The following SLC16A9 variants were observed in gnomAD, a reference collection of about 807,000 sequenced individuals.
SLC16A9 encodes solute carrier family 16 member 9, also known as monocarboxylate transporter 9.
SLC16A9 carries 26 observed loss-of-function variants against 44.3 expected under a neutral mutation model. That is an observed-to-expected ratio of 0.59 (90% CI 0.43 to 0.81). The LOEUF is 0.81. Ranked by LOEUF, SLC16A9 falls within the 40% of genes least tolerant of loss-of-function variation. The pLI is 0.00. For missense variants in SLC16A9, 559 were observed against 595.8 expected (o/e 0.94, Z 0.64); for synonymous variants, 230 against 225.1 (o/e 1.02, Z -0.19).
At chr10:59,709,217 C>G (rs1840711253) in intron 1 of SLC16A9, among the ~76,000 whole-genome samples, 1 of 152,246 alleles carries the variant, frequency 6.6e-6, no homozygotes, top group Middle Eastern at 3.4e-3. Flanking sequence ...CTTTCAACTC[C>G]GTACAAAATG....
chr10:59,704,013 G>A (rs1474107973), intron 1 of SLC16A9, among the ~76,000 whole-genome samples: 3 of 152,106 alleles, frequency 2.0e-5, no homozygotes, highest in Non-Finnish European at 4.4e-5. Context: ...GAGCCACTGC[G>A]CCCGGCCAAA....
chr10:59,706,239 G>A (rs1840632941), intron 1 of SLC16A9, among the ~76,000 whole-genome samples: 1 of 151,894 alleles, frequency 6.6e-6, no homozygotes, highest in Admixed American at 6.5e-5. Flanking sequence ...ACATTTGGAG[G>A]CAGGGACCAT....
In SLC16A9 at chr10:59,664,361, A is replaced by T. The variant is rs551187264; in HGVS notation, c.341-39T>A. 2.5e-5 allele frequency: 35 copies of T among 1,381,532 alleles called. No homozygotes were observed. In the East Asian group the frequency reaches 3.8e-4, roughly 15 times the overall value. The allele number at this position is 1,381,532 out of a possible 1,614,324, so 85.6% of individuals were successfully genotyped here. ...GACATTGCATAAATTAAGACGCTGC[A>T]TTACTTCAATGCAAGAGAAAAAAGG... On this transcript the variant is annotated intron_variant, in intron 3 of 5. Transcript: ENST00000395348.
At chr10:59,700,083 A>G (rs946889760) in intron 1 of SLC16A9, among the ~76,000 whole-genome samples, 15 of 152,332 alleles carry the variant, frequency 9.8e-5, no homozygotes, top group Admixed American at 6.5e-4. Flanking sequence ...AAAGACCAGA[A>G]TGACAATCAT....
At position 59,673,750 on chromosome 10, in the gene SLC16A9, G is replaced by A. The variant is rs988923657; in HGVS notation, c.197-837C>T. On this transcript the variant is annotated intron_variant, in intron 2 of 5. Coordinates refer to ENST00000395348, the MANE Select transcript of SLC16A9 (RefSeq NM_194298.3). ...TGTTTACTAAAGCCGAACACAGCAC[G>A]CTGTAAAACCCAGAAGTTTCAATTC... Among the ~76,000 whole-genome samples, 7 of 152,148 alleles carry A rather than the reference G, an allele frequency of 4.6e-5. No homozygotes were observed. The East Asian group carries it at 9.6e-4, about 21-fold the overall frequency.
At chr10:59,691,491 G>A (rs1427369321) in intron 1 of SLC16A9, among the ~76,000 whole-genome samples, 1 of 152,144 alleles carries the variant, frequency 6.6e-6, no homozygotes, top group Non-Finnish European at 1.5e-5. Context: ...ATTAAATACA[G>A]TACATGTATT....
intron 2 of SLC16A9, among the ~76,000 whole-genome samples, chr10:59,673,179 G>T (rs1312096205): frequency 6.6e-6 from 1 of 152,114 alleles, no homozygotes; most frequent in African/African-American, 2.4e-5. Context: ...TGGAGGTTCT[G>T]GAGTCAGATT....
intron 1 of SLC16A9, among the ~76,000 whole-genome samples, chr10:59,690,922 A>C (rs1840238739): frequency 6.6e-6 from 1 of 152,042 alleles, no homozygotes. Flanking sequence ...CGTCTCTACT[A>C]AAAAATACAA....
chr10:59,652,999 C>T (rs1839245476), intron 5 of SLC16A9, 49 bp from the exon 6 acceptor site: 14 of 1,405,228 alleles, frequency 1.0e-5, no homozygotes, highest in African/African-American at 4.3e-5. Flanking sequence ...ATAGTATGAA[C>T]ATCCATCCCA....
At chr10:59,665,053 CA>C (rs1209788548) in intron 3 of SLC16A9, among the ~76,000 whole-genome samples, 3 of 151,154 alleles carry the variant, frequency 2.0e-5, no homozygotes, top group African/African-American at 4.9e-5. Context: ...TAATTAACAA[CA>C]AAAAAAAGTT....
intron 3 of SLC16A9, among the ~76,000 whole-genome samples, chr10:59,666,186 C>T (rs1839611787): frequency 6.6e-6 from 1 of 151,618 alleles, no homozygotes; most frequent in East Asian, 1.9e-4. Flanking sequence ...GTGGTCTCAG[C>T]TACTCAGGAG....
At chr10:59,701,335 G>A (rs1009438472) in intron 1 of SLC16A9, among the ~76,000 whole-genome samples, 3 of 152,132 alleles carry the variant, frequency 2.0e-5, no homozygotes, top group Non-Finnish European at 2.9e-5. Flanking sequence ...CCCTGCTGCA[G>A]GGCATCTGCC....
At position 59,681,839 on chromosome 10, in the gene SLC16A9, G is replaced by GTAT. The variant is rs376562621; in HGVS notation, c.196+2256_196+2257insATA. On this transcript the variant is annotated intron_variant, in intron 2 of 5. Coordinates refer to ENST00000395348, the MANE Select transcript of SLC16A9 (RefSeq NM_194298.3). ...ATATGATGTATATGTATATGTATAT[G>GTAT]ATGTATATGTATATGTATATGTATA... Among the ~76,000 whole-genome samples, 23 of 25,908 alleles carry GTAT rather than the reference G, an allele frequency of 8.9e-4. 4 individuals carry two copies. The highest frequency in any genetic ancestry group is 2.4e-3 in the African/African-American group (18 of 7,472). The allele number at this position is 25,908 out of a possible 152,430, so 17.0% of individuals were successfully genotyped here. A position where few individuals can be genotyped will look rare whatever the true frequency, so the allele number is the denominator to read the frequency against.
chr10:59,674,859 G>T (rs1232054632), intron 2 of SLC16A9, among the ~76,000 whole-genome samples: 2 of 152,174 alleles, frequency 1.3e-5, no homozygotes, highest in African/African-American at 4.8e-5. Flanking sequence ...TGGGAGTGTG[G>T]GGGCAAGATG....
rs1460809838 is a variant in SLC16A9 at position 59,654,552 on chromosome 10, C to CT, written c.473dup (p.Arg159GlufsTer5). ...GTCCATAGAACTCAACCAGCATCCT[C>CT]TGCAGAGCAGCATATATGAAAAGGC... is the stretch of plus-strand genomic sequence containing the variant. On this transcript the variant is annotated frameshift_variant, in exon 5 of 6. Coordinates refer to ENST00000395348, the MANE Select transcript of SLC16A9 (RefSeq NM_194298.3). LOFTEE classifies it high-confidence loss of function. 1.2e-6 allele frequency: 2 copies of CT among 1,603,714 alleles called. No individual in the cohort carries two copies. The highest frequency in any genetic ancestry group is 2.7e-5 in the African/African-American group (2 of 74,870).
chr10:59,653,853 A>C lies in SLC16A9; in HGVS notation c.1173T>G (p.Phe391Leu). Residue 391 changes from phenylalanine to leucine, a missense_variant, in exon 5 of 6, where the codon TTT becomes TTG. Transcript: ENST00000395348. ...ACGCCAATGTGACATAGCTTTTGGC[A>C]AATGGAATTGCACACAAGGCTAGGC... is the stretch of plus-strand genomic sequence containing the variant. ...IMGLALCAIP[F>L]AKSYVTLALL... The C allele has an allele frequency of 6.2e-7, 1 of 1,614,208 alleles. No homozygotes were observed. The highest frequency in any genetic ancestry group is 1.3e-5 in the African/African-American group (1 of 75,066).
At chr10:59,678,540 C>CTTTTTATTTTTTTTTTTTTTT (rs1426559419) in intron 2 of SLC16A9, among the ~76,000 whole-genome samples, 2 of 22,340 alleles carry the variant, frequency 9.0e-5, no homozygotes, top group East Asian at 1.2e-3. Context: ...TTTTCTTTTT[C>CTTTTTATTTTTTTTTTTTTTT]TTTTTCTTTT....
chr10:59,667,747 AAAAATT>A, intron 3 of SLC16A9, among the ~76,000 whole-genome samples: 1 of 152,316 alleles, frequency 6.6e-6, no homozygotes, highest in South Asian at 2.1e-4. Context: ...CTACCAGTGA[AAAAATT>A]CTGTGTACCA....
intron 1 of SLC16A9, among the ~76,000 whole-genome samples, chr10:59,697,962 T>TAA (rs34931109): frequency 0.3 from 40,690 of 133,536 alleles, 6,698 homozygotes; most frequent in Middle Eastern, 0.48. Context: ...GGGCACACAG[T>TAA]AAAAAAAAAA....
Sources: allele counts gnomAD v4.1 joint callset (sites outside exome capture counted in the v4.1 genomes callset), GRCh38; gene constraint gnomAD v4.1.1; transcripts MANE v1.5; gene names NCBI Gene and HGNC (gene_info 2026-07-23, HGNC 2026-07-21).